UBA2: variants seen among roughly 807,000 people sequenced by gnomAD.
UBA2 encodes the protein SUMO-activating enzyme subunit 2.
Under a neutral mutation model 77.2 loss-of-function variants are expected in UBA2, and 11 were observed. The observed-to-expected ratio is 0.14, with a 90% CI of 0.09 to 0.24. The LOEUF (loss-of-function observed/expected upper bound fraction) is 0.24. Ranked by LOEUF, UBA2 falls within the 10% of genes least tolerant of loss-of-function variation. The pLI is 1.00. For synonymous variants in UBA2, 278 were observed against 276.7 expected (o/e 1.00, Z -0.05); for missense variants, 487 against 781.7 (o/e 0.62, Z 4.50).
chr19:34,450,843 G>A (rs1042022127), intron 9 of UBA2, among the ~76,000 whole-genome samples: 4 of 148,296 alleles, frequency 2.7e-5, no homozygotes, highest in Admixed American at 6.9e-5. Flanking sequence ...GGGTTCAAGC[G>A]ATTCTCCCGC....
chr19:34,456,104 TTC>T (rs1555730542), intron 12 of UBA2, among the ~76,000 whole-genome samples: 5,552 of 40,418 alleles, frequency 0.14, 657 homozygotes, highest in Non-Finnish European at 0.25. Flanking sequence ...CCTTTTCTTT[TTC>T]TTTTTTTTTT....
At chr19:34,447,393 A>G (rs543856087) in intron 8 of UBA2, among the ~76,000 whole-genome samples, 1 of 152,156 alleles carries the variant, frequency 6.6e-6, no homozygotes, top group Non-Finnish European at 1.5e-5. Context: ...TCAAGTTGAC[A>G]CTCAGTATTA....
chr19:34,465,304 A>G (rs914524891), intron 15 of UBA2, among the ~76,000 whole-genome samples: 4 of 152,132 alleles, frequency 2.6e-5, no homozygotes, highest in Admixed American at 2.0e-4. Flanking sequence ...GGTTATTTGG[A>G]GAGAACTACA....
intron 12 of UBA2, among the ~76,000 whole-genome samples, chr19:34,455,167 C>G (rs777860871): frequency 1.3e-5 from 2 of 152,134 alleles, no homozygotes; most frequent in Non-Finnish European, 2.9e-5. Flanking sequence ...CAATACAGGA[C>G]CACTTTTAAA....
At chr19:34,454,601 AT>A in intron 12 of UBA2, 45 bp downstream of exon 12, 1 of 992,700 alleles carries the variant, frequency 1.0e-6, no homozygotes, top group Non-Finnish European at 1.5e-6. Flanking sequence ...CCTTAAAAAA[AT>A]CATTAATTAA....
intron 8 of UBA2, among the ~76,000 whole-genome samples, chr19:34,447,050 C>T (rs529446040): frequency 7.8e-4 from 118 of 152,182 alleles, no homozygotes; most frequent in African/African-American, 2.6e-3. Flanking sequence ...TTAATTCACA[C>T]GATCACAAGG....
At chr19:34,443,760 T>A (rs1364869573) in intron 6 of UBA2, 84 bp from the exon 7 acceptor site, 1 of 981,532 alleles carries the variant, frequency 1.0e-6, no homozygotes, top group African/African-American at 1.6e-5. Context: ...TCTTTATCTC[T>A]GCTAAATATT....
chr19:34,450,025 C>G (rs986143482), intron 8 of UBA2, among the ~76,000 whole-genome samples: 4 of 152,204 alleles, frequency 2.6e-5, no homozygotes, highest in African/African-American at 7.2e-5. Flanking sequence ...GTCGGCAGTT[C>G]AGGGCTCCTT....
intron 10 of UBA2, among the ~76,000 whole-genome samples, chr19:34,453,021 C>T (rs899416600): frequency 5.3e-5 from 8 of 152,068 alleles, no homozygotes; most frequent in Admixed American, 1.3e-4. Flanking sequence ...AATAAAGAGC[C>T]CTTGGAATGG....
Position 34,454,338 on chromosome 19 carries a change from A to G in UBA2, c.1117A>G (p.Arg373Gly). ...MHIFSMNMKS[R>G]FDIKSMAGNI... ...TATTTTCAGTATGAATATGAAGAGT[A>G]GATTTGATATCAAATGTAAGTTATT... The change falls in exon 11 of 17, where the codon AGA becomes GGA. Residue 373 changes from arginine (R) to glycine (G), a missense_variant. By Grantham distance (125) the Arg-to-Gly change is moderately radical (BLOSUM62 -2). Coordinates refer to ENST00000246548, the MANE Select transcript of UBA2 (RefSeq NM_005499.3). The G allele has an allele frequency of 6.2e-7, 1 of 1,611,216 alleles. No individual in the cohort carries two copies. Among genetic ancestry groups the G allele is most frequent in the Non-Finnish European group, 8.5e-7 (1 of 1,179,100 alleles).
chr19:34,430,466 C>A (rs2075240493), intron 1 of UBA2, 110 bp from the exon 2 acceptor site: 1 of 656,822 alleles, frequency 1.5e-6, no homozygotes, highest in African/African-American at 1.8e-5. Flanking sequence ...AACGCTTTCT[C>A]CACTAATGTA....
chr19:34,439,751 T>C (rs1768794480), intron 6 of UBA2, among the ~76,000 whole-genome samples: 1 of 151,814 alleles, frequency 6.6e-6, no homozygotes, highest in South Asian at 2.1e-4. Context: ...GCCTGGGAGG[T>C]TGAGGCTGCA....
In UBA2 at chr19:34,469,516, A is replaced by G. The variant is rs983241796; in HGVS notation, c.*295A>G. Reference sequence around the variant, plus strand: ...ATGTAAATACCCGTAGGTATCATTAATAGTTTCAAAATATTGTGGTTTAGT... The same window carrying G: ...ATGTAAATACCCGTAGGTATCATTAGTAGTTTCAAAATATTGTGGTTTAGT... On this transcript the variant is annotated 3_prime_UTR_variant, in exon 17 of 17. Transcript: ENST00000246548. The G allele has an allele frequency of 5.9e-6, 1 of 170,782 alleles. No homozygotes were observed. Among genetic ancestry groups the G allele is most frequent in the African/African-American group, 2.4e-5 (1 of 42,256 alleles). The allele number at this position is 170,782 out of a possible 1,614,324, so 10.6% of individuals were successfully genotyped here.
chr19:34,435,006 T>G, intron 5 of UBA2, 38 bp downstream of exon 5: 5 of 1,348,736 alleles, frequency 3.7e-6, no homozygotes, highest in Non-Finnish European at 5.2e-6. Flanking sequence ...TCCCAAATAT[T>G]TATTTGAGAC....
In UBA2 at chr19:34,469,201, G is replaced by A; in HGVS notation, c.1903G>A (p.Asp635Asn). Residue 635 changes from aspartate to asparagine, a missense_variant, in exon 17 of 17, where the codon GAT (aspartate) becomes AAT (asparagine). Transcript: ENST00000246548. The stretch of plus-strand genomic sequence containing the variant: ...TATAGAACAGAAGGAAGAGCTTGAT[G>A]ATGTCATAGCATTAGATTGAACAGA... ...SRIEQKEELD[D>N]VIALD The A allele has an allele frequency of 1.2e-6, 2 of 1,600,270 alleles. No individual in the cohort carries two copies. Among genetic ancestry groups the A allele is most frequent in the East Asian group, 2.2e-5 (1 of 44,522 alleles).
At chr19:34,466,037 G>C (rs1357449935) in intron 15 of UBA2, among the ~76,000 whole-genome samples, 1 of 151,970 alleles carries the variant, frequency 6.6e-6, no homozygotes, top group Non-Finnish European at 1.5e-5. Flanking sequence ...CATTACTATA[G>C]TTAAGATCAC....
chr19:34,470,632 C>T lies in UBA2; in HGVS notation c.*1411C>T, dbSNP rs906257454. The T allele has an allele frequency of 3.3e-5, 5 of 152,266 alleles. No individual in the cohort carries two copies. The highest frequency in any genetic ancestry group is 9.7e-5 in the African/African-American group (4 of 41,430). 9.4% of individuals were successfully genotyped at this position (152,266 alleles called of 1,614,324 possible). ...CCGCCTTCCAGGTGCAAGCGATTCT[C>T]CTGTCTCAGCCTCCCCTGTAGCTGG... On this transcript the variant is annotated 3_prime_UTR_variant, in exon 17 of 17. Transcript: ENST00000246548.
intron 2 of UBA2, among the ~76,000 whole-genome samples, chr19:34,431,610 TGC>T (rs2075256476): frequency 6.6e-6 from 1 of 152,186 alleles, no homozygotes; most frequent in African/African-American, 2.4e-5. Flanking sequence ...TGCTGAAGCT[TGC>T]CATTCATGTA....
Position 34,460,523 on chromosome 19 carries a change from G to A in UBA2, c.1455G>A (p.Gly485=), listed in dbSNP as rs1208272571. 4 of 1,612,126 alleles carry A rather than the reference G, an allele frequency of 2.5e-6. No individual in the cohort carries two copies. The Admixed American group carries it at 6.7e-5, about 27-fold the overall frequency. Reference sequence around the variant, plus strand: ...CACCAGATGTCCAAATTGAAGATGGGAAAGGAACAATCCTAATATCTTCCG... The same window carrying A: ...CACCAGATGTCCAAATTGAAGATGGAAAAGGAACAATCCTAATATCTTCCG... The part of the protein sequence containing the change: ...MVAPDVQIED[G]KGTILISSEE... The change falls in exon 14 of 17, where the codon GGG becomes GGA. Residue 485 remains glycine, a synonymous_variant. Transcript: ENST00000246548.
Sources: allele counts gnomAD v4.1 joint callset (sites outside exome capture counted in the v4.1 genomes callset), GRCh38; gene constraint gnomAD v4.1.1; transcripts MANE v1.5; gene names NCBI Gene and HGNC (gene_info 2026-07-23, HGNC 2026-07-21).